The following PRPS1 variants were observed in gnomAD, a reference collection of about 807,000 sequenced individuals.
The protein encoded by PRPS1 is phosphoribosyl pyrophosphate synthetase 1.
PRPS1 carries 1 observed loss-of-function variant against 16.9 expected under a neutral mutation model. The ratio of observed to expected loss-of-function variants is 0.06; its 90% CI spans 0.02 to 0.28. The LOEUF is 0.28. Ranked by LOEUF, PRPS1 falls within the 10% of genes least tolerant of loss-of-function variation. PRPS1 has a pLI of 1.00. For missense variants in PRPS1, 47 were observed against 254.0 expected, an observed-to-expected ratio of 0.19 and a Z score of 5.54; for synonymous variants, 70 against 90.2, an observed-to-expected ratio of 0.78 and a Z score of 1.27.
At chrX:107,629,165 G>T (rs753555561) in intron 1 of PRPS1, among the ~76,000 whole-genome samples, 1 of 111,559 alleles carries the variant, frequency 9.0e-6, no homozygotes, top group Non-Finnish European at 1.9e-5. Flanking sequence ...GCCTACCTGC[G>T]TACTGAGCTC....
At chrX:107,635,285 G>T (rs985752043) in intron 1 of PRPS1, among the ~76,000 whole-genome samples, 4 of 112,260 alleles carry the variant, frequency 3.6e-5, no homozygotes, top group Non-Finnish European at 7.5e-5. Flanking sequence ...GAGCACAGAT[G>T]ATACTCTGTG....
At chrX:107,648,643 C>A (rs1028569521) in intron 6 of PRPS1, among the ~76,000 whole-genome samples, 4 of 110,398 alleles carry the variant, frequency 3.6e-5, no homozygotes, top group African/African-American at 1.3e-4. Flanking sequence ...AAACTCCTAG[C>A]CTCAAGCTAT....
intron 1 of PRPS1, among the ~76,000 whole-genome samples, chrX:107,635,842 C>G (rs373175062): frequency 9.1e-6 from 1 of 109,409 alleles, no homozygotes; most frequent in Non-Finnish European, 1.9e-5. Context: ...GGGCAGATCA[C>G]GAGGTCAAGA....
chrX:107,648,808 G>A (rs187639226), intron 6 of PRPS1, among the ~76,000 whole-genome samples: 44 of 110,500 alleles, frequency 4.0e-4, no homozygotes, highest in Non-Finnish European at 3.2e-4. Context: ...TGCCTAGGCT[G>A]GAGTGCAATG....
chrX:107,643,159 C>G (rs1843975036), intron 4 of PRPS1, among the ~76,000 whole-genome samples: 1 of 112,315 alleles, frequency 8.9e-6, no homozygotes, highest in African/African-American at 3.2e-5. Context: ...AGAGCTAATT[C>G]AGAACTTTCT....
At chrX:107,641,236 G>A (rs1441416499) in intron 3 of PRPS1, 1 of 819,314 alleles carries the variant, frequency 1.2e-6, no homozygotes, top group Non-Finnish European at 1.7e-6. Context: ...AAAGGCTCTG[G>A]TATTTACTAG....
intron 2 of PRPS1, among the ~76,000 whole-genome samples, chrX:107,639,749 CCT>C (rs1429826639): frequency 3.6e-5 from 4 of 111,542 alleles, no homozygotes; most frequent in Non-Finnish European, 7.5e-5. Context: ...AGCACCAACT[CCT>C]CTGGAGTACT....
intron 1 of PRPS1, among the ~76,000 whole-genome samples, chrX:107,638,546 A>G (rs926133896): frequency 6.3e-5 from 7 of 110,371 alleles, no homozygotes; most frequent in African/African-American, 2.3e-4. Context: ...GCCCGGCCAT[A>G]TGAAATAATC....
chrX:107,647,971 A>G (rs1429744650), intron 6 of PRPS1, among the ~76,000 whole-genome samples: 8 of 111,299 alleles, frequency 7.2e-5, no homozygotes, highest in African/African-American at 2.3e-4. Flanking sequence ...GCCTTGGGAA[A>G]ATCACCTGTT....
intron 3 of PRPS1, 107 bp from the exon 4 acceptor site, chrX:107,642,259 G>A: frequency 9.3e-7 from 1 of 1,076,465 alleles, no homozygotes; most frequent in Non-Finnish European, 1.3e-6. Flanking sequence ...CCATCAGTTT[G>A]AATGTTGCAG....
intron 1 of PRPS1, among the ~76,000 whole-genome samples, chrX:107,631,850 C>A (rs1352225353): frequency 8.9e-6 from 1 of 111,744 alleles, no homozygotes; most frequent in Admixed American, 9.5e-5. Flanking sequence ...CCACGCCCAG[C>A]TAATATTTTG....
intron 1 of PRPS1, among the ~76,000 whole-genome samples, chrX:107,637,765 C>T (rs1925473711): frequency 1.8e-5 from 2 of 109,129 alleles, no homozygotes; most frequent in African/African-American, 6.7e-5. Context: ...CTCCTGAAGC[C>T]TAGGTGATCA....
At chrX:107,636,500 G>C (rs1925446491) in intron 1 of PRPS1, 1 of 112,197 alleles carries the variant, frequency 8.9e-6, no homozygotes, top group Admixed American at 9.5e-5. Context: ...GATTTTAATT[G>C]GTTTCTAGTT....
At chrX:107,637,450 T>C (rs1925466857) in intron 1 of PRPS1, among the ~76,000 whole-genome samples, 2 of 111,550 alleles carry the variant, frequency 1.8e-5, no homozygotes, top group Non-Finnish European at 3.8e-5. Context: ...AGTGATTCAC[T>C]CCTTATGATA....
At chrX:107,648,206 C>G (rs1267175139) in intron 6 of PRPS1, among the ~76,000 whole-genome samples, 1 of 111,620 alleles carries the variant, frequency 9.0e-6, no homozygotes, top group Non-Finnish European at 1.9e-5. Flanking sequence ...TGCTCTGGAC[C>G]TAAGGTTCTT....
chrX:107,637,637 G>C (rs1014773195), intron 1 of PRPS1, among the ~76,000 whole-genome samples: 1 of 110,199 alleles, frequency 9.1e-6, no homozygotes, highest in Non-Finnish European at 1.9e-5. Flanking sequence ...CATCTTTTTC[G>C]TGTCTGTCAC....
chrX:107,630,738 A>AACACAC (rs111543861), intron 1 of PRPS1, among the ~76,000 whole-genome samples: 6,526 of 95,849 alleles, frequency 0.068, 644 homozygotes, highest in African/African-American at 0.24. Flanking sequence ...TTATTTAGGA[A>AACACAC]ACACACACAC....
intron 6 of PRPS1, among the ~76,000 whole-genome samples, chrX:107,648,457 C>T (rs1293367309): frequency 1.0e-5 from 1 of 99,178 alleles, no homozygotes; most frequent in East Asian, 3.1e-4. Context: ...TAGGATCTTG[C>T]TCTGTTGCCC....
Position 107,628,549 on chromosome X carries a change from T to C in PRPS1, c.-80T>C, listed in dbSNP as rs1925236176. On this transcript the variant is annotated 5_prime_UTR_variant, in exon 1 of 7. Coordinates refer to ENST00000372435, the MANE Select transcript of PRPS1 (RefSeq NM_002764.4). ...GAGTAGCAACGCAAAGCGCTTGGTA[T>C]TGAGTCTGTGGCCGACTTCGGTTCC... 1 of 1,203,211 alleles carries C rather than the reference T, an allele frequency of 8.3e-7. No individual in the cohort carries two copies. Among genetic ancestry groups the C allele is most frequent in the Non-Finnish European group, 1.1e-6 (1 of 890,615 alleles).
Sources: gnomAD v4.1 joint callset for allele counts (sites outside exome capture counted in the v4.1 genomes callset) on GRCh38, gnomAD v4.1.1 for gene constraint, MANE v1.5 for transcripts, NCBI Gene and HGNC (gene_info 2026-07-23, HGNC 2026-07-21) for gene names.